The following INTS7 variants were observed in gnomAD, a reference collection of about 807,000 sequenced individuals.
The protein encoded by INTS7 is integrator complex subunit 7, also known as chromosome 1 open reading frame 73.
Under a neutral mutation model 109.2 loss-of-function variants are expected in INTS7, and 46 were observed. That is an observed-to-expected ratio of 0.42 (90% CI 0.33 to 0.54). The LOEUF (loss-of-function observed/expected upper bound fraction) is 0.54. INTS7 is among the 20% of genes least tolerant of loss of function. The probability of loss-of-function intolerance (pLI) is 0.07; values close to 1 mark genes in which losing one functional copy is unlikely to be tolerated. For missense variants in INTS7, 929 were observed against 1,132.4 expected (o/e 0.82, Z 2.58); for synonymous variants, 412 against 402.9 (o/e 1.02, Z -0.27).
chr1:211,991,058 A>C (rs1352956760), intron 7 of INTS7, among the ~76,000 whole-genome samples: 4 of 152,232 alleles, frequency 2.6e-5, no homozygotes. Flanking sequence ...CTAGTGAATG[A>C]GTATGACAGA....
intron 4 of INTS7, among the ~76,000 whole-genome samples, chr1:212,015,194 C>A (rs1207338050): frequency 1.3e-5 from 2 of 152,172 alleles, no homozygotes; most frequent in African/African-American, 4.8e-5. Flanking sequence ...AGCCGCCACC[C>A]CGTCTGGGAG....
Position 211,983,711 on chromosome 1 carries a change from C to T in INTS7, c.998-901G>A, listed in dbSNP as rs537405160. Among the ~76,000 whole-genome samples the T allele has an allele frequency of 1.9e-4, 29 of 152,230 alleles. No homozygotes were observed. The East Asian group carries it at 1.9e-3, about 10-fold the overall frequency. ...CCGTATTTTTTGAGGCTGAAAGAGACGCTACTAAGAATTACAATAGACATA... is the reference window on the plus strand; with the variant it reads ...CCGTATTTTTTGAGGCTGAAAGAGATGCTACTAAGAATTACAATAGACATA... On this transcript the variant is annotated intron_variant, in intron 8 of 19. Transcript: ENST00000366994.
intron 10 of INTS7, 95 bp downstream of exon 10, chr1:211,980,998 C>G: frequency 1.7e-6 from 1 of 599,430 alleles, no homozygotes; most frequent in Admixed American, 3.2e-5. Context: ...ATTAAAACTT[C>G]TAAGAGTACA....
chr1:212,035,247 G>T, intron 1 of INTS7, 97 bp downstream of exon 1: 2 of 819,138 alleles, frequency 2.4e-6, no homozygotes, highest in Non-Finnish European at 4.2e-6. Context: ...GAAGACATGC[G>T]CATGCGCCTA....
intron 7 of INTS7, among the ~76,000 whole-genome samples, chr1:211,991,260 C>T (rs1283712064): frequency 7.2e-5 from 11 of 152,182 alleles, no homozygotes; most frequent in Admixed American, 6.5e-4. Context: ...CATTTGGAAT[C>T]TAAGATACAG....
chr1:211,960,554 A>C (rs114007486), intron 16 of INTS7, among the ~76,000 whole-genome samples: 4,172 of 152,308 alleles, frequency 0.027, 80 homozygotes, highest in Non-Finnish European at 0.04. Flanking sequence ...GGAAGCTAAG[A>C]AGCACAATAA....
chr1:212,034,278 T>TA (rs1667314097), intron 1 of INTS7, among the ~76,000 whole-genome samples: 1 of 151,950 alleles, frequency 6.6e-6, no homozygotes. Flanking sequence ...CAAAATAAGG[T>TA]AAAAGCTTTT....
chr1:211,968,101 C>CT (rs567263345), intron 14 of INTS7, 120 bp from the exon 15 acceptor site: 2 of 554,268 alleles, frequency 3.6e-6, no homozygotes, highest in South Asian at 5.4e-5. Flanking sequence ...ATACTGCCAT[C>CT]TTTTCACTGT....
At chr1:212,025,877 C>G (rs546392913) in intron 1 of INTS7, among the ~76,000 whole-genome samples, 1 of 152,266 alleles carries the variant, frequency 6.6e-6, no homozygotes, top group East Asian at 1.9e-4. Flanking sequence ...CAAAGGAGGC[C>G]AGGCACAGTG....
At position 211,946,658 on chromosome 1, in the gene INTS7, G is replaced by T; in HGVS notation, c.2364C>A (p.Pro788=). 5.0e-6 allele frequency: 8 copies of T among 1,613,582 alleles called. No homozygotes were observed. The highest frequency in any genetic ancestry group is 1.1e-5 in the South Asian group (1 of 91,034). ...CNAIIALLKV[P]LSFQRYFFQK... is the part of the protein sequence containing the mutation. ...GGAAAAAATATCTCTGGAAAGAAAG[G>T]GGAACTTTCAGCAAAGCAATGATGG... Residue 788 remains proline (P), a synonymous_variant, in exon 18 of 20, where the codon CCC becomes CCA. Coordinates refer to ENST00000366994, the MANE Select transcript of INTS7 (RefSeq NM_015434.4). This position sits in a 1 kb window ranked among gnomAD's most constrained non-coding sequence, Gnocchi z 4.3.
chr1:211,958,749 T>C (rs1663476279), intron 16 of INTS7, among the ~76,000 whole-genome samples: 1 of 152,116 alleles, frequency 6.6e-6, no homozygotes, highest in South Asian at 2.1e-4. Context: ...TTTAAACTGC[T>C]TTGTTGATTA....
intron 7 of INTS7, among the ~76,000 whole-genome samples, chr1:211,999,283 T>TA (rs1178777773): frequency 1.3e-5 from 2 of 152,026 alleles, no homozygotes; most frequent in African/African-American, 4.8e-5. Flanking sequence ...TGCTCAGCAA[T>TA]AAAAAGGAAT....
chr1:211,977,397 A>G (rs1298536160), intron 11 of INTS7, among the ~76,000 whole-genome samples: 2 of 152,252 alleles, frequency 1.3e-5, no homozygotes, highest in African/African-American at 4.8e-5. Flanking sequence ...CGTTAGTTCA[A>G]AATGCCACTT....
intron 11 of INTS7, 138 bp from the exon 12 acceptor site, chr1:211,976,857 A>T (rs1664443533): frequency 1.4e-6 from 1 of 732,138 alleles, no homozygotes; most frequent in Admixed American, 2.8e-5. Flanking sequence ...CATTTATTTA[A>T]TTTTTTATTT....
rs981962630 is a variant in INTS7, at chr1:211,959,497, T to G, written c.2184-6796A>C. The stretch of plus-strand genomic sequence containing the variant: ...GACATGGGCCGGCTCACCTGCTCCC[T>G]CCCCGTACTGGCAGCTTTCCCTGGG... On this transcript the variant is annotated intron_variant, in intron 16 of 19. Transcript: ENST00000366994. The surrounding 1 kb of genome is among the most constrained non-coding windows in gnomAD (Gnocchi z 4.2). Among the ~76,000 whole-genome samples, 3 of 152,016 alleles carry G rather than the reference T, an allele frequency of 2.0e-5. No individual in the cohort carries two copies. Among genetic ancestry groups the G allele is most frequent in the African/African-American group, 7.2e-5 (3 of 41,382 alleles).
chr1:212,026,564 C>T lies in INTS7; in HGVS notation c.95-5352G>A, dbSNP rs192419706. Among the ~76,000 whole-genome samples the T allele has an allele frequency of 3.8e-5, 4 of 105,232 alleles. No homozygotes were observed. In the East Asian group the frequency reaches 6.8e-4, roughly 18 times the overall value. The allele number at this position is 105,232 out of a possible 152,430, so 69.0% of individuals were successfully genotyped here. On this transcript the variant is annotated intron_variant, in intron 1 of 19. Coordinates refer to ENST00000366994, the MANE Select transcript of INTS7 (RefSeq NM_015434.4). ...TAATTCTAAGTAGCTGGCAGTGTGG[C>T]TCATGTAGCCTTACTTTTCTAAAAG...
Position 211,942,865 on chromosome 1 carries a change from A to G in INTS7, c.2602-754T>C, listed in dbSNP as rs761033953. Among the ~76,000 whole-genome samples the G allele has an allele frequency of 5.3e-5, 8 of 152,204 alleles. No homozygotes were observed. Among genetic ancestry groups the G allele is most frequent in the Non-Finnish European group, 1.0e-4 (7 of 68,034 alleles). ...CGTGTCAAGAGACAGATTTATCCTG[A>G]GAATGCAAATAAAGGTGATCTTAAT... On this transcript the variant is annotated intron_variant, in intron 19 of 19. Coordinates refer to ENST00000366994, the MANE Select transcript of INTS7 (RefSeq NM_015434.4). The surrounding 1 kb of genome is among the most constrained non-coding windows in gnomAD (Gnocchi z 4.2).
chr1:212,006,603 A>AT (rs1286327144), intron 7 of INTS7, 36 bp downstream of exon 7: 24 of 1,112,764 alleles, frequency 2.2e-5, no homozygotes, highest in Non-Finnish European at 2.9e-5. Context: ...ATGTTATATT[A>AT]TTTTTTCTAT....
At chr1:211,970,592 C>A (rs1298882846) in intron 13 of INTS7, among the ~76,000 whole-genome samples, 1 of 152,082 alleles carries the variant, frequency 6.6e-6, no homozygotes, top group Non-Finnish European at 1.5e-5. Context: ...ATAAAGTACT[C>A]TTATAAACCA....
Sources: gnomAD v4.1 joint callset for allele counts (sites outside exome capture counted in the v4.1 genomes callset) on GRCh38, gnomAD v4.1.1 for gene constraint, Gnocchi (gnomAD v3.1) non-coding constraint, MANE v1.5 for transcripts, NCBI Gene and HGNC (gene_info 2026-07-23, HGNC 2026-07-21) for gene names.